TTC28: variants seen among roughly 807,000 people sequenced by gnomAD.
TTC28 encodes the protein tetratricopeptide repeat protein 28.
In TTC28, 61 loss-of-function variants were observed where a neutral mutation model predicts 198.0. The observed-to-expected ratio is 0.31, with a 90% CI of 0.25 to 0.38. The LOEUF (loss-of-function observed/expected upper bound fraction) is 0.38. Among genes scored for constraint, TTC28 ranks in the 10% least tolerant of loss-of-function variants. The probability of loss-of-function intolerance (pLI) is 1.00; values close to 1 mark genes in which losing one functional copy is unlikely to be tolerated. For synonymous variants in TTC28, 1,171 were observed against 1,297.8 expected (o/e 0.90, Z 2.10); for missense variants, 2,678 against 3,164.0 (o/e 0.85, Z 3.69).
chr22:28,018,199 G>C (rs965323659), intron 13 of TTC28, among the ~76,000 whole-genome samples: 1 of 151,036 alleles, frequency 6.6e-6, no homozygotes, highest in African/African-American at 2.4e-5. Context: ...TTGCATTCAG[G>C]CAGGCGGTCC....
At chr22:28,238,969 G>T (rs532985582) in intron 5 of TTC28, among the ~76,000 whole-genome samples, 1 of 152,136 alleles carries the variant, frequency 6.6e-6, no homozygotes, top group Non-Finnish European at 1.5e-5. Flanking sequence ...TGCTCTATGA[G>T]GTTCCTCTCC....
At chr22:28,145,943 G>A (rs1405434989) in intron 6 of TTC28, among the ~76,000 whole-genome samples, 2 of 152,196 alleles carry the variant, frequency 1.3e-5, no homozygotes, top group Non-Finnish European at 2.9e-5. Context: ...TGAAGAAACT[G>A]AGGCAGAAAT....
intron 1 of TTC28, among the ~76,000 whole-genome samples, chr22:28,645,787 T>G (rs1197363904): frequency 6.6e-6 from 1 of 151,978 alleles, no homozygotes; most frequent in Non-Finnish European, 1.5e-5. Flanking sequence ...GAAAGAACAC[T>G]TAATAAAATG....
intron 1 of TTC28, among the ~76,000 whole-genome samples, chr22:28,658,597 G>A (rs769045523): frequency 6.6e-6 from 1 of 152,198 alleles, no homozygotes; most frequent in Non-Finnish European, 1.5e-5. Flanking sequence ...AAGAGTTATA[G>A]AGATGGATAA....
chr22:28,216,766 G>A (rs939668629), intron 5 of TTC28, among the ~76,000 whole-genome samples: 4 of 152,076 alleles, frequency 2.6e-5, no homozygotes, highest in Non-Finnish European at 5.9e-5. Flanking sequence ...CTGTCACCCA[G>A]ACTGAAGTAC....
intron 8 of TTC28, among the ~76,000 whole-genome samples, chr22:28,101,980 C>T (rs898183562): frequency 6.6e-6 from 1 of 152,048 alleles, no homozygotes; most frequent in Admixed American, 6.6e-5. Flanking sequence ...GTTTGCTGGG[C>T]AGGCAGAAAC....
intron 5 of TTC28, among the ~76,000 whole-genome samples, chr22:28,228,998 T>C (rs1928591665): frequency 6.6e-6 from 1 of 150,746 alleles, no homozygotes; most frequent in Non-Finnish European, 1.5e-5. Flanking sequence ...CTACTAAAAA[T>C]ACAGAAAATT....
chr22:28,561,356 G>A (rs1023787844), intron 2 of TTC28, among the ~76,000 whole-genome samples: 1 of 151,626 alleles, frequency 6.6e-6, no homozygotes, highest in Admixed American at 6.6e-5. Flanking sequence ...GATTACAGGC[G>A]TGAGACACCA....
intron 2 of TTC28, among the ~76,000 whole-genome samples, chr22:28,433,262 A>G (rs115250465): frequency 0.01 from 1,534 of 152,248 alleles, 25 homozygotes; most frequent in African/African-American, 0.034. Flanking sequence ...CTTGTCTTTT[A>G]TTTATTTTTT....
intron 2 of TTC28, among the ~76,000 whole-genome samples, chr22:28,485,049 C>T (rs556290193): frequency 4.6e-5 from 7 of 152,182 alleles, no homozygotes; most frequent in Non-Finnish European, 1.0e-4. Flanking sequence ...GGTTACCATC[C>T]CTTCAACTGC....
intron 12 of TTC28, among the ~76,000 whole-genome samples, chr22:28,049,092 G>A (rs959134734): frequency 6.6e-6 from 1 of 152,250 alleles, no homozygotes. Context: ...CACGGACCCT[G>A]TCTCAAGTCT....
At chr22:28,488,523 G>A (rs1448110996) in intron 2 of TTC28, among the ~76,000 whole-genome samples, 4 of 151,906 alleles carry the variant, frequency 2.6e-5, no homozygotes, top group Admixed American at 2.6e-4. Context: ...ATTATCAATG[G>A]GTATGTTATG....
intron 14 of TTC28, among the ~76,000 whole-genome samples, chr22:28,004,048 A>G (rs967554036): frequency 1.3e-5 from 2 of 152,244 alleles, no homozygotes; most frequent in African/African-American, 4.8e-5. Context: ...TTGCTGAGTG[A>G]AACTCAGTAT....
At chr22:28,106,473 C>T (rs777709723) in intron 7 of TTC28, among the ~76,000 whole-genome samples, 5 of 152,096 alleles carry the variant, frequency 3.3e-5, no homozygotes, top group Non-Finnish European at 7.4e-5. Flanking sequence ...TAATAAATCC[C>T]ACATCCCACA....
intron 5 of TTC28, among the ~76,000 whole-genome samples, chr22:28,165,265 T>C (rs1921789822): frequency 2.0e-5 from 3 of 152,198 alleles, no homozygotes; most frequent in Admixed American, 1.3e-4. Flanking sequence ...CAGGGTATTA[T>C]CCAGGAGAAC....
At chr22:28,377,929 T>C (rs978435758) in intron 2 of TTC28, among the ~76,000 whole-genome samples, 2 of 152,136 alleles carry the variant, frequency 1.3e-5, no homozygotes, top group African/African-American at 4.8e-5. Flanking sequence ...AAAACAGTTA[T>C]TATAACAATA....
At chr22:28,441,863 C>T (rs1400842275) in intron 2 of TTC28, among the ~76,000 whole-genome samples, 1 of 143,130 alleles carries the variant, frequency 7.0e-6, no homozygotes, top group Non-Finnish European at 1.5e-5. Flanking sequence ...ATAAAAACCA[C>T]GGCCAAATGA....
intron 5 of TTC28, among the ~76,000 whole-genome samples, chr22:28,242,225 C>T (rs1481317690): frequency 1.3e-5 from 2 of 152,144 alleles, no homozygotes; most frequent in African/African-American, 2.4e-5. Context: ...CCCTTTACTC[C>T]TTCTAATGGA....
chr22:28,511,602 G>A (rs892645065), intron 2 of TTC28, among the ~76,000 whole-genome samples: 67 of 152,084 alleles, frequency 4.4e-4, no homozygotes, highest in African/African-American at 1.4e-3. Context: ...GGTGGATCAC[G>A]AGGTCAGGAG....
Sources: allele counts gnomAD v4.1 joint callset (sites outside exome capture counted in the v4.1 genomes callset), GRCh38; gene constraint gnomAD v4.1.1; transcripts MANE v1.5; gene names NCBI Gene and HGNC (gene_info 2026-07-23, HGNC 2026-07-21).